HERC4: variants seen among roughly 807,000 people sequenced by gnomAD.
HERC4 encodes HECT and RLD domain containing E3 ubiquitin protein ligase 4.
A neutral mutation model predicts 124.3 loss-of-function variants in HERC4; 28 were observed. The observed-to-expected ratio is 0.23, with a 90% CI of 0.17 to 0.31. HERC4 has a LOEUF of 0.31. Ranked by LOEUF, HERC4 falls within the 10% of genes least tolerant of loss-of-function variation. The pLI is 1.00. For synonymous variants in HERC4, 407 were observed against 421.5 expected (o/e 0.97, Z 0.42); for missense variants, 713 against 1,229.3 (o/e 0.58, Z 6.28).
At chr10:67,932,998 G>A (rs770195010) in intron 22 of HERC4, among the ~76,000 whole-genome samples, 2 of 152,172 alleles carry the variant, frequency 1.3e-5, no homozygotes, top group African/African-American at 4.8e-5. Context: ...GAGGCATTCA[G>A]TTATTCTTAG....
chr10:68,044,212 T>C (rs2039909754), intron 4 of HERC4, among the ~76,000 whole-genome samples, 192 bp downstream of exon 4: 1 of 144,290 alleles, frequency 6.9e-6, no homozygotes, highest in African/African-American at 2.9e-5. Flanking sequence ...AAATATAGAG[T>C]ATATAAAAAT....
intron 16 of HERC4, among the ~76,000 whole-genome samples, chr10:67,962,710 A>T (rs2034601935): frequency 6.6e-6 from 1 of 152,238 alleles, no homozygotes; most frequent in African/African-American, 2.4e-5. Context: ...TTTTACAAAC[A>T]ATTTAAAAGC....
intron 5 of HERC4, among the ~76,000 whole-genome samples, chr10:68,035,658 TCTAC>T (rs1302008089): frequency 6.6e-6 from 1 of 152,222 alleles, no homozygotes; most frequent in East Asian, 1.9e-4. Context: ...TGCTGTATGA[TCTAC>T]CTATGTTTCC....
At chr10:68,030,795 T>C (rs959041320) in intron 7 of HERC4, among the ~76,000 whole-genome samples, 1 of 152,222 alleles carries the variant, frequency 6.6e-6, no homozygotes, top group Non-Finnish European at 1.5e-5. Context: ...ACAGAATACA[T>C]CTGCAAATAA....
chr10:68,069,407 GGACA>G, intron 3 of HERC4: 1 of 985,194 alleles, frequency 1.0e-6, no homozygotes, highest in Non-Finnish European at 1.2e-6. Context: ...TGATAGAAAA[GGACA>G]TACATATACA....
chr10:68,010,733 G>C, intron 9 of HERC4: 1 of 1,488,540 alleles, frequency 6.7e-7, no homozygotes, highest in Admixed American at 1.9e-5. Context: ...GAGGCAGATG[G>C]TCGTTTGGCT....
chr10:68,006,516 C>T (rs1589301797), intron 9 of HERC4, among the ~76,000 whole-genome samples: 1 of 151,848 alleles, frequency 6.6e-6, no homozygotes, highest in African/African-American at 2.4e-5. Flanking sequence ...GGATTACAGG[C>T]GCCAGCCACC....
chr10:67,957,032 G>A, intron 16 of HERC4, 56 bp from the exon 17 acceptor site: 2 of 952,588 alleles, frequency 2.1e-6, no homozygotes. Context: ...TACTTACTGT[G>A]GATGCTGACA....
chr10:67,957,821 TC>T (rs891793120), intron 16 of HERC4, among the ~76,000 whole-genome samples: 6 of 152,048 alleles, frequency 3.9e-5, no homozygotes, highest in Admixed American at 2.6e-4. Context: ...CATTTTTTTT[TC>T]CCCCATACAG....
At chr10:67,974,917 G>A (rs886195334) in intron 15 of HERC4, among the ~76,000 whole-genome samples, 4 of 152,094 alleles carry the variant, frequency 2.6e-5, no homozygotes, top group South Asian at 2.1e-4. Flanking sequence ...TTGGCTGGGC[G>A]CAGTGGCTCA....
intron 15 of HERC4, among the ~76,000 whole-genome samples, chr10:67,979,771 C>A (rs1367157903): frequency 6.6e-6 from 1 of 152,064 alleles, no homozygotes; most frequent in South Asian, 2.1e-4. Flanking sequence ...CTCGTCTCTA[C>A]TAAAAATACA....
intron 3 of HERC4, among the ~76,000 whole-genome samples, chr10:68,065,929 A>G (rs911833798): frequency 6.6e-6 from 1 of 152,236 alleles, no homozygotes; most frequent in African/African-American, 2.4e-5. Flanking sequence ...TAAGGTAATT[A>G]TCATAACTCA....
chr10:67,978,530 G>A (rs1589234381), intron 15 of HERC4, among the ~76,000 whole-genome samples: 1 of 152,322 alleles, frequency 6.6e-6, no homozygotes, highest in East Asian at 1.9e-4. Context: ...AGTCACCAAG[G>A]GCCTGGGGAA....
At chr10:68,039,818 C>A in intron 4 of HERC4, 1 of 1,068,222 alleles carries the variant, frequency 9.4e-7, no homozygotes, top group Admixed American at 4.6e-5. Context: ...GCAGATGATA[C>A]ATTGACCTGT....
chr10:67,926,312 G>A (rs1370663197), intron 23 of HERC4, among the ~76,000 whole-genome samples: 6 of 151,948 alleles, frequency 3.9e-5, no homozygotes, highest in South Asian at 2.1e-4. Context: ...CAGGAGAATC[G>A]CTTGAACTTG....
intron 3 of HERC4, among the ~76,000 whole-genome samples, chr10:68,050,004 A>T (rs998769664): frequency 2.6e-5 from 4 of 152,126 alleles, no homozygotes; most frequent in African/African-American, 9.7e-5. Context: ...CCAGGAGTTC[A>T]GGACCAGCCT....
chr10:67,980,241 C>G (rs751587435), intron 15 of HERC4, among the ~76,000 whole-genome samples: 2 of 152,176 alleles, frequency 1.3e-5, no homozygotes, highest in Non-Finnish European at 2.9e-5. Context: ...TGGCATGATT[C>G]TCCTGTCTCA....
At chr10:68,008,151 C>T in intron 9 of HERC4, 1 of 152,064 alleles carries the variant, frequency 6.6e-6, no homozygotes. Context: ...ATGAAGTTTC[C>T]CTCTCACTCT....
intron 3 of HERC4, among the ~76,000 whole-genome samples, chr10:68,060,394 T>C (rs1166570202): frequency 6.6e-6 from 1 of 151,948 alleles, no homozygotes; most frequent in Non-Finnish European, 1.5e-5. Context: ...CACACCACCA[T>C]ACCCAGCTAA....
Sources: allele counts gnomAD v4.1 joint callset (sites outside exome capture counted in the v4.1 genomes callset), GRCh38; gene constraint gnomAD v4.1.1; transcripts MANE v1.5; gene names NCBI Gene and HGNC (gene_info 2026-07-23, HGNC 2026-07-21).